KCNIP4: variants seen among roughly 807,000 people sequenced by gnomAD.
KCNIP4 encodes Kv channel-interacting protein 4.
Under a neutral mutation model 34.0 loss-of-function variants are expected in KCNIP4, and 12 were observed. That is an observed-to-expected ratio of 0.35 (90% CI 0.23 to 0.57). The LOEUF is 0.57. KCNIP4 is among the 20% of genes least tolerant of loss of function. The pLI is 0.83. For missense variants in KCNIP4, 238 were observed against 311.7 expected (o/e 0.76, Z 1.78); for synonymous variants, 124 against 102.2 (o/e 1.21, Z -1.29).
At chr4:21,234,785 T>C (rs1230779820) in intron 1 of KCNIP4, among the ~76,000 whole-genome samples, 2 of 151,374 alleles carry the variant, frequency 1.3e-5, no homozygotes, top group South Asian at 2.1e-4. Flanking sequence ...GTAGCTGAGA[T>C]TACAGGTGCC....
chr4:21,851,493 G>A (rs1724393379), intron 1 of KCNIP4: 1 of 152,088 alleles, frequency 6.6e-6, no homozygotes, highest in South Asian at 2.1e-4. Context: ...CACTCTAAAA[G>A]CCCAGACTTC....
chr4:21,904,769 A>G lies in KCNIP4; in HGVS notation c.61+43802T>C, dbSNP rs111867211. ...AGGGGGTTGTCTTGACAATTCTATG[A>G]TATTTAGCAGCATGACAAGCCTCCA... On this transcript the variant is annotated intron_variant, in intron 1 of 8. Transcript: ENST00000382152. Among the ~76,000 whole-genome samples the G allele has an allele frequency of 1.4e-4, 22 of 152,270 alleles. 1 individual carries two copies. The highest frequency in any genetic ancestry group is 3.9e-4 in the Admixed American group (6 of 15,278).
chr4:20,905,074 A>G (rs1181662325), intron 1 of KCNIP4, among the ~76,000 whole-genome samples: 1 of 152,204 alleles, frequency 6.6e-6, no homozygotes, highest in Non-Finnish European at 1.5e-5. Context: ...CATTTTGCAT[A>G]TAGGAAGTGT....
chr4:21,078,291 T>A (rs1745682455), intron 1 of KCNIP4, among the ~76,000 whole-genome samples: 1 of 152,106 alleles, frequency 6.6e-6, no homozygotes, highest in Non-Finnish European at 1.5e-5. Context: ...CCTGTCGTAA[T>A]CAGCTTGGGC....
In KCNIP4 at chr4:21,757,166, AG is replaced by A. The variant is rs1717639259; in HGVS notation, c.61+191404del. Among the ~76,000 whole-genome samples, 6 of 46,358 alleles carry A rather than the reference AG, an allele frequency of 1.3e-4. 1 individual carries two copies. The highest frequency in any genetic ancestry group is 4.9e-4 in the African/African-American group (4 of 8,132). 30.4% of individuals were successfully genotyped at this position (46,358 alleles called of 152,430 possible). A position where few individuals can be genotyped will look rare whatever the true frequency, so the allele number is the denominator to read the frequency against. On this transcript the variant is annotated intron_variant, in intron 1 of 8. Transcript: ENST00000382152. ...AAGAAAGAAAGAAAGAAAGAAAGAA[AG>A]AAGGAAGGAAGGAAGGAAGGAAGGA...
intron 1 of KCNIP4, among the ~76,000 whole-genome samples, chr4:21,219,134 C>G (rs1218433484): frequency 6.6e-6 from 1 of 152,104 alleles, no homozygotes; most frequent in East Asian, 1.9e-4. Flanking sequence ...ACCCAGCAAA[C>G]CCAGCAGCCC....
chr4:20,954,594 T>C (rs1240179299), intron 1 of KCNIP4, among the ~76,000 whole-genome samples: 1 of 152,162 alleles, frequency 6.6e-6, no homozygotes, highest in Non-Finnish European at 1.5e-5. Flanking sequence ...TACAAAATAA[T>C]CTGCCAAGCG....
intron 1 of KCNIP4, among the ~76,000 whole-genome samples, chr4:20,978,356 T>C (rs1164832896): frequency 6.6e-6 from 1 of 152,228 alleles, no homozygotes; most frequent in Non-Finnish European, 1.5e-5. Flanking sequence ...GATAAATAGA[T>C]ATGAACTGGC....
chr4:21,470,307 AAAG>A (rs1730351157), intron 1 of KCNIP4, among the ~76,000 whole-genome samples: 1 of 152,198 alleles, frequency 6.6e-6, no homozygotes, highest in Non-Finnish European at 1.5e-5. Flanking sequence ...GCAGAGAGCA[AAAG>A]AAGAAAAGAG....
chr4:20,889,244 T>C (rs1190669333), intron 1 of KCNIP4, among the ~76,000 whole-genome samples: 1 of 152,202 alleles, frequency 6.6e-6, no homozygotes, highest in African/African-American at 2.4e-5. Flanking sequence ...CTGCTTCTTG[T>C]AATTCATCTC....
At chr4:21,599,141 C>T (rs1164720187) in intron 1 of KCNIP4, among the ~76,000 whole-genome samples, 2 of 152,072 alleles carry the variant, frequency 1.3e-5, no homozygotes, top group Admixed American at 1.3e-4. Context: ...AGGGACCCTT[C>T]GGGAAATGTT....
At chr4:21,551,696 A>C (rs1738598359) in intron 1 of KCNIP4, among the ~76,000 whole-genome samples, 1 of 152,096 alleles carries the variant, frequency 6.6e-6, no homozygotes, top group Non-Finnish European at 1.5e-5. Flanking sequence ...ATTAAATAGC[A>C]CATGTGAAAT....
chr4:21,001,992 G>C (rs1429413805), intron 1 of KCNIP4, among the ~76,000 whole-genome samples: 1 of 152,132 alleles, frequency 6.6e-6, no homozygotes, highest in Non-Finnish European at 1.5e-5. Flanking sequence ...TTATAATACA[G>C]TTGAAAGGCC....
intron 2 of KCNIP4, among the ~76,000 whole-genome samples, chr4:20,858,077 G>C (rs1013537387): frequency 1.3e-5 from 2 of 151,828 alleles, no homozygotes; most frequent in East Asian, 2.0e-4. Context: ...CGGGTGTTGT[G>C]GTGGGTGCCT....
chr4:21,897,116 A>C (rs1186593599), intron 1 of KCNIP4, among the ~76,000 whole-genome samples: 2 of 152,016 alleles, frequency 1.3e-5, no homozygotes, highest in African/African-American at 4.8e-5. Context: ...TAAGACTTTA[A>C]AATTTATGCT....
Position 21,255,409 on chromosome 4 carries a change from C to T in KCNIP4, c.62-372700G>A, listed in dbSNP as rs78426147. Among the ~76,000 whole-genome samples the T allele has an allele frequency of 4.6e-5, 7 of 152,130 alleles. No individual in the cohort carries two copies. In the East Asian group the frequency reaches 1.4e-3, roughly 29 times the overall value. Reference sequence around the variant, plus strand: ...CAGTTTTTTTCTTATCTCCCCTCTCCTCCCAATGCTGCTCTCCTTAAAGTT... The same window carrying T: ...CAGTTTTTTTCTTATCTCCCCTCTCTTCCCAATGCTGCTCTCCTTAAAGTT... On this transcript the variant is annotated intron_variant, in intron 1 of 8. Transcript: ENST00000382152.
intron 1 of KCNIP4, among the ~76,000 whole-genome samples, chr4:21,929,221 G>A (rs1029185544): frequency 6.6e-5 from 10 of 152,066 alleles, no homozygotes; most frequent in African/African-American, 2.4e-4. Flanking sequence ...CCAAATTCAT[G>A]GTAGTGGTTG....
intron 1 of KCNIP4, among the ~76,000 whole-genome samples, chr4:21,821,809 G>T (rs4235292): frequency 0.98 from 148,818 of 152,186 alleles, 72,854 homozygotes; most frequent in East Asian, 1. Context: ...CATTTAAATT[G>T]AAAATTTTAT....
At position 21,193,532 on chromosome 4, in the gene KCNIP4, T is replaced by C. The variant is rs550009239; in HGVS notation, c.62-310823A>G. Among the ~76,000 whole-genome samples, 287 of 152,036 alleles carry C rather than the reference T, an allele frequency of 1.9e-3. 1 individual carries two copies. The highest frequency in any genetic ancestry group is 6.4e-3 in the African/African-American group (266 of 41,430). The stretch of plus-strand genomic sequence containing the variant: ...ATTTCTGGGTATGCAAAGCTCCCTG[T>C]AGCAGTCATTCAGTATGGATCACTT... On this transcript the variant is annotated intron_variant, in intron 1 of 8. Coordinates refer to ENST00000382152, the MANE Select transcript of KCNIP4 (RefSeq NM_025221.6).
Sources: allele counts gnomAD v4.1 joint callset (sites outside exome capture counted in the v4.1 genomes callset), GRCh38; gene constraint gnomAD v4.1.1; transcripts MANE v1.5; gene names NCBI Gene and HGNC (gene_info 2026-07-23, HGNC 2026-07-21).